Variants in MBOAT1 observed in about 807,000 individuals in gnomAD.
MBOAT1 encodes membrane bound glycerophospholipid O-acyltransferase 1.
MBOAT1 carries 67 observed loss-of-function variants against 64.4 expected under a neutral mutation model. The ratio of observed to expected loss-of-function variants is 1.04; its 90% CI spans 0.85 to 1.27. The LOEUF (loss-of-function observed/expected upper bound fraction) is 1.27, where lower values mean the gene tolerates loss of function less well. MBOAT1 is among the 50% of genes most tolerant of loss of function. The pLI is 0.00. For missense variants in MBOAT1, 563 were observed against 604.6 expected (o/e 0.93, Z 0.72); for synonymous variants, 229 against 218.9 (o/e 1.05, Z -0.41).
rs866642651 is a variant in MBOAT1, at chr6:20,101,255, G to A, written c.*1031C>T. ...GCAAGCAGGTGGCGCCTGTGAAATG[G>A]AAAACATTCGGAAAACAGCAGCCCC... is the stretch of plus-strand genomic sequence containing the variant. On this transcript the variant is annotated 3_prime_UTR_variant, in exon 13 of 13. Coordinates refer to ENST00000324607, the MANE Select transcript of MBOAT1 (RefSeq NM_001080480.3). Among the ~76,000 whole-genome samples, 6 of 152,164 alleles carry A rather than the reference G, an allele frequency of 3.9e-5. No homozygotes were observed. Among genetic ancestry groups the A allele is most frequent in the Non-Finnish European group, 8.8e-5 (6 of 68,038 alleles).
At chr6:20,115,153 C>T in intron 10 of MBOAT1, 135 bp downstream of exon 10, 1 of 705,250 alleles carries the variant, frequency 1.4e-6, no homozygotes, top group Admixed American at 2.2e-5. Flanking sequence ...TTATCATTTA[C>T]AGGGCACAGA....
intron 1 of MBOAT1, among the ~76,000 whole-genome samples, chr6:20,165,692 G>A (rs116731560): frequency 0.013 from 1,910 of 151,632 alleles, 8 homozygotes; most frequent in Non-Finnish European, 0.019. Flanking sequence ...GCAGTGAGCC[G>A]CGATCGTGCC....
At chr6:20,125,642 T>C (rs144623561) in intron 7 of MBOAT1, among the ~76,000 whole-genome samples, 104 of 152,332 alleles carry the variant, frequency 6.8e-4, no homozygotes, top group Non-Finnish European at 1.4e-3. Context: ...TTGGTGTCTC[T>C]CACAACCATG....
At chr6:20,203,496 ACAG>A (rs1355639593) in intron 1 of MBOAT1, among the ~76,000 whole-genome samples, 2 of 152,220 alleles carry the variant, frequency 1.3e-5, no homozygotes, top group African/African-American at 4.8e-5. Context: ...CAAATAATAA[ACAG>A]GCCTAATTCA....
chr6:20,133,167 T>C (rs1391769730), intron 4 of MBOAT1, among the ~76,000 whole-genome samples: 1 of 152,222 alleles, frequency 6.6e-6, no homozygotes. Flanking sequence ...AGATTGCTAA[T>C]GTTGTACATG....
At chr6:20,112,647 T>C (rs1165936042) in intron 11 of MBOAT1, among the ~76,000 whole-genome samples, 1 of 152,236 alleles carries the variant, frequency 6.6e-6, no homozygotes, top group African/African-American at 2.4e-5. Flanking sequence ...TTCCTTTTGT[T>C]TCACGAACTA....
chr6:20,160,887 C>G (rs910856405), intron 1 of MBOAT1, among the ~76,000 whole-genome samples: 2 of 152,186 alleles, frequency 1.3e-5, no homozygotes, highest in African/African-American at 2.4e-5. Flanking sequence ...CTCTAAAGAG[C>G]CTTCTTTTTC....
intron 1 of MBOAT1, among the ~76,000 whole-genome samples, chr6:20,192,031 A>T (rs1049210897): frequency 6.6e-6 from 1 of 152,172 alleles, no homozygotes; most frequent in Non-Finnish European, 1.5e-5. Flanking sequence ...CTGTTTTAGA[A>T]GACTACTAAT....
At chr6:20,110,041 C>A (rs1400130346) in intron 11 of MBOAT1, among the ~76,000 whole-genome samples, 1 of 151,064 alleles carries the variant, frequency 6.6e-6, no homozygotes, top group Non-Finnish European at 1.5e-5. Flanking sequence ...TCCCAAGTAG[C>A]TGGGATTACA....
chr6:20,208,394 C>T (rs1237040886), intron 1 of MBOAT1, among the ~76,000 whole-genome samples: 7 of 141,212 alleles, frequency 5.0e-5, no homozygotes, highest in East Asian at 2.2e-4. Flanking sequence ...TGCACTGAGC[C>T]GAGATCGTGC....
At chr6:20,151,077 T>C (rs917851673) in intron 3 of MBOAT1, 108 bp downstream of exon 3, 9 of 764,978 alleles carry the variant, frequency 1.2e-5, no homozygotes, top group Non-Finnish European at 2.0e-5. Context: ...AACTAAGATA[T>C]ACCACTTGTG....
At chr6:20,167,470 T>A (rs1581438633) in intron 1 of MBOAT1, among the ~76,000 whole-genome samples, 1 of 152,216 alleles carries the variant, frequency 6.6e-6, no homozygotes, top group East Asian at 1.9e-4. Context: ...TGGTAGTGCA[T>A]TAATTTTAAT....
At chr6:20,108,560 GT>G (rs1340478712) in intron 12 of MBOAT1, among the ~76,000 whole-genome samples, 1 of 152,172 alleles carries the variant, frequency 6.6e-6, no homozygotes, top group Non-Finnish European at 1.5e-5. Context: ...ATATTGAGTA[GT>G]AAAAAATTCT....
intron 1 of MBOAT1, among the ~76,000 whole-genome samples, chr6:20,187,477 G>T (rs958091111): frequency 1.6e-4 from 24 of 152,206 alleles, no homozygotes; most frequent in African/African-American, 5.3e-4. Context: ...TCTCTGCTGT[G>T]GTTTCAGAGA....
chr6:20,172,882 T>C (rs527352231), intron 1 of MBOAT1, among the ~76,000 whole-genome samples: 75 of 152,308 alleles, frequency 4.9e-4, no homozygotes, highest in Non-Finnish European at 9.7e-4. Context: ...TCATGTTGAA[T>C]TGTAATCCCC....
At chr6:20,124,621 G>C (rs776417909) in intron 7 of MBOAT1, 21 bp from the exon 8 acceptor site, 1 of 1,612,208 alleles carries the variant, frequency 6.2e-7, no homozygotes, top group African/African-American at 1.3e-5. Flanking sequence ...GGAAAAATCA[G>C]TGTCACCGTG....
chr6:20,152,828 T>C, intron 1 of MBOAT1, 59 bp from the exon 2 acceptor site: 1 of 343,030 alleles, frequency 2.9e-6, no homozygotes, highest in Non-Finnish European at 4.0e-6. Context: ...GGTTTTTTTG[T>C]TTGTTTTGTT....
chr6:20,102,735 T>C lies in MBOAT1; in HGVS notation c.1362-323A>G, dbSNP rs137864418. ...AGCCAGACACCCCCAATATTCAAAG[T>C]CTAAGGACTCCCAAGACCAAATTCA... On this transcript the variant is annotated intron_variant, in intron 12 of 12. Coordinates refer to ENST00000324607, the MANE Select transcript of MBOAT1 (RefSeq NM_001080480.3). 8.5e-5 allele frequency among the ~76,000 whole-genome samples: 13 copies of C among 152,194 alleles called. No individual in the cohort carries two copies. The East Asian group carries it at 2.5e-3, about 29-fold the overall frequency.
At chr6:20,160,934 T>A (rs531539530) in intron 1 of MBOAT1, among the ~76,000 whole-genome samples, 2 of 152,340 alleles carry the variant, frequency 1.3e-5, no homozygotes, top group South Asian at 4.1e-4. Flanking sequence ...TTAAGATTGA[T>A]AATCAATGTA....
Sources: allele counts gnomAD v4.1 joint callset (sites outside exome capture counted in the v4.1 genomes callset), GRCh38; gene constraint gnomAD v4.1.1; transcripts MANE v1.5; gene names NCBI Gene and HGNC (gene_info 2026-07-23, HGNC 2026-07-21).